Variants in TUBB1 observed in about 807,000 individuals in gnomAD.
TUBB1 encodes tubulin beta 1 class VI.
Under a neutral mutation model 22.6 loss-of-function variants are expected in TUBB1, and 28 were observed. That is an observed-to-expected ratio of 1.24 (90% CI 0.92 to 1.70). The LOEUF is 1.70. Among genes scored for constraint, TUBB1 ranks in the 40% most tolerant of loss-of-function variants. The pLI, the probability that TUBB1 is intolerant of heterozygous loss-of-function variation, is 0.00. For missense variants in TUBB1, 577 were observed against 605.5 expected (o/e 0.95, Z 0.49); for synonymous variants, 226 against 238.0 (o/e 0.95, Z 0.46).
chr20:59,016,836 T>C (rs1276034879), upstream of TUBB1, among the ~76,000 whole-genome samples: 1 of 152,206 alleles, frequency 6.6e-6, no homozygotes, highest in Non-Finnish European at 1.5e-5. Context: ...AATATCCTCC[T>C]CTTGAATTTG....
At chr20:59,023,676 C>T in intron 3 of TUBB1, 29 bp from the exon 4 acceptor site, 1 of 1,614,058 alleles carries the variant, frequency 6.2e-7, no homozygotes, top group Non-Finnish European at 8.5e-7. Flanking sequence ...CACCTTTCTT[C>T]CCCTGCTGGT....
upstream of TUBB1, chr20:59,019,373 C>A (rs1184029286): frequency 5.8e-6 from 5 of 860,014 alleles, no homozygotes; most frequent in Non-Finnish European, 9.7e-6. Flanking sequence ...GGTGGACACA[C>A]CCTTGGTCAC....
Position 59,022,717 on chromosome 20 carries a change from GC to G in TUBB1, c.58-125del, listed in dbSNP as rs1272268832. The stretch of plus-strand genomic sequence containing the variant: ...TGATGCCATGGTTATTTATGAAAAG[GC>G]CCTAAAAGAATGTCTTGGGGAGGGT... On this transcript the variant is annotated intron_variant, in intron 1 of 3. Transcript: ENST00000217133. The G allele has an allele frequency of 1.7e-5, 13 of 773,628 alleles. No homozygotes were observed. In the East Asian group the frequency reaches 2.9e-4, roughly 18 times the overall value. 47.9% of individuals were successfully genotyped at this position (773,628 alleles called of 1,614,324 possible).
intron 1 of TUBB1, among the ~76,000 whole-genome samples, chr20:59,021,996 AAAAT>A (rs142257917): frequency 0.01 from 1,572 of 149,964 alleles, 12 homozygotes; most frequent in Middle Eastern, 0.045. Context: ...ACTCTGTCTC[AAAAT>A]AAATAAATAA....
intron 1 of TUBB1, among the ~76,000 whole-genome samples, chr20:59,020,276 C>G (rs949642164): frequency 5.3e-5 from 8 of 152,204 alleles, no homozygotes; most frequent in Non-Finnish European, 1.2e-4. Context: ...CCTCCACCTC[C>G]TGGGTTCAAG....
chr20:59,022,867 A>C lies in TUBB1; in HGVS notation c.80A>C (p.Glu27Ala). The C allele has an allele frequency of 6.2e-7, 1 of 1,614,116 alleles. No individual in the cohort carries two copies. The highest frequency in any genetic ancestry group is 8.5e-7 in the Non-Finnish European group (1 of 1,180,026). Residue 27 changes from glutamate to alanine, a missense_variant, in exon 2 of 4, where the codon GAA (glutamate) becomes GCA (alanine). Coordinates refer to ENST00000217133, the MANE Select transcript of TUBB1 (RefSeq NM_030773.4). Reference sequence around the variant, plus strand: ...CAGTTCTGGGAGATGATTGGTGAGGAACACGGGATCGACTTGGCTGGGAGC... The same window carrying C: ...CAGTTCTGGGAGATGATTGGTGAGGCACACGGGATCGACTTGGCTGGGAGC... Reference protein sequence around the residue: ...GAKFWEMIGEEHGIDLAGSDR... With the variant: ...GAKFWEMIGEAHGIDLAGSDR...
chr20:59,021,410 GTTA>G, intron 1 of TUBB1, among the ~76,000 whole-genome samples: 1 of 152,328 alleles, frequency 6.6e-6, no homozygotes, highest in African/African-American at 2.4e-5. Flanking sequence ...GAACTGCCTT[GTTA>G]TTAAGACCAT....
Position 59,023,847 on chromosome 20 carries a change from CG to C in TUBB1, c.425del (p.Gly142AlafsTer11). The C allele has an allele frequency of 2.5e-6, 4 of 1,614,064 alleles. No homozygotes were observed. Among genetic ancestry groups the C allele is most frequent in the Non-Finnish European group, 3.4e-6 (4 of 1,179,968 alleles). On this transcript the variant is annotated frameshift_variant, in exon 4 of 4. Coordinates refer to ENST00000217133, the MANE Select transcript of TUBB1 (RefSeq NM_030773.4). LOFTEE classifies it high-confidence loss of function. ...QGFQIVHSLG[G>X]GTGSGMGTLL... ...GCTTCCAGATCGTCCACTCCCTGGG[CG>C]GGGGCACAGGCTCCGGGATGGGCAC...
At chr20:59,023,075 G>A (rs2091975902) in intron 2 of TUBB1, 122 bp downstream of exon 2, 2 of 918,722 alleles carry the variant, frequency 2.2e-6, no homozygotes, top group Admixed American at 2.0e-5. Flanking sequence ...GAGGCGACAG[G>A]CAGGGCAGCA....
chr20:59,024,806 G>A lies in TUBB1; in HGVS notation c.*23G>A. 6.2e-7 allele frequency: 1 copy of A among 1,611,324 alleles called. No individual in the cohort carries two copies. The highest frequency in any genetic ancestry group is 1.7e-5 in the Admixed American group (1 of 60,014). On this transcript the variant is annotated 3_prime_UTR_variant, in exon 4 of 4. Coordinates refer to ENST00000217133, the MANE Select transcript of TUBB1 (RefSeq NM_030773.4). The surrounding 1 kb of genome is among the most constrained non-coding windows in gnomAD (Gnocchi z 4.9). ...TAACTGTGAGAGAAGCTGTGCCGCG[G>A]AGTCGCTTACAGAACAGTTTCTCAT...
rs1461599828 is a variant in TUBB1 at position 59,025,974 on chromosome 20, C to T, written c.*1191C>T. The T allele has an allele frequency of 6.6e-6, 1 of 152,158 alleles. No individual in the cohort carries two copies. The highest frequency in any genetic ancestry group is 1.5e-5 in the Non-Finnish European group (1 of 68,046). The allele number at this position is 152,158 out of a possible 1,614,324, so 9.4% of individuals were successfully genotyped here. On this transcript the variant is annotated 3_prime_UTR_variant, in exon 4 of 4. Coordinates refer to ENST00000217133, the MANE Select transcript of TUBB1 (RefSeq NM_030773.4). ...GCAGCACTGCCATCTCTTCCAGCAC[C>T]ATCAGGGTTTTAATGGCCCTCTAGA...
chr20:59,023,583 C>T lies in TUBB1; in HGVS notation c.260C>T (p.Pro87Leu). ...RSSKLGALFQ[P>L]DSFVHGNSGA... is the part of the protein sequence containing the mutation. ...AGCAAATTAGGAGCTCTCTTTCAAC[C>T]CGACAGTTTTGTCCATGGTATGTTT... is the stretch of plus-strand genomic sequence containing the variant. The change falls in exon 3 of 4, where the codon CCC becomes CTC. Residue 87 changes from proline to leucine, a missense_variant. By Grantham distance (98) the Pro-to-Leu change is moderately conservative. Coordinates refer to ENST00000217133, the MANE Select transcript of TUBB1 (RefSeq NM_030773.4). 6.2e-7 allele frequency: 1 copy of T among 1,614,138 alleles called. No homozygotes were observed. Among genetic ancestry groups the T allele is most frequent in the Non-Finnish European group, 8.5e-7 (1 of 1,180,014 alleles).
chr20:59,021,199 G>A (rs1028388189), intron 1 of TUBB1, among the ~76,000 whole-genome samples: 3 of 152,176 alleles, frequency 2.0e-5, no homozygotes, highest in Non-Finnish European at 2.9e-5. Flanking sequence ...AAGATAATAC[G>A]GAAAGGGGCC....
chr20:59,023,687 TTC>T lies in TUBB1; in HGVS notation c.278-14_278-13del, dbSNP rs774473372. ...TTTTCACCTTTCTTCCCCTGCTGGTTTCTCTTTTTGGCCACAGGTAACTCTGG... is the reference window on the plus strand; with the variant it reads ...TTTTCACCTTTCTTCCCCTGCTGGTTTCTTTTTGGCCACAGGTAACTCTGG... On this transcript the variant is annotated splice_polypyrimidine_tract_variant and intron_variant, in intron 3 of 3. Coordinates refer to ENST00000217133, the MANE Select transcript of TUBB1 (RefSeq NM_030773.4). The T allele has an allele frequency of 2.5e-6, 4 of 1,614,194 alleles. No homozygotes were observed. In the Admixed American group the frequency reaches 5.0e-5, roughly 20 times the overall value.
intron 2 of TUBB1, 70 bp from the exon 3 acceptor site, chr20:59,023,420 G>C: frequency 6.9e-7 from 1 of 1,456,642 alleles, no homozygotes; most frequent in Non-Finnish European, 9.6e-7. Context: ...GTATCACAAA[G>C]TTCTATTTTG....
At chr20:59,019,381 C>A, upstream of TUBB1, 2 of 932,048 alleles carry the variant, frequency 2.1e-6, no homozygotes, top group South Asian at 2.7e-5. Flanking sequence ...CACCCTTGGT[C>A]ACATTGTGAG....
intron 2 of TUBB1, 78 bp downstream of exon 2, chr20:59,023,031 T>C (rs1476608675): frequency 1.5e-6 from 2 of 1,310,360 alleles, no homozygotes; most frequent in East Asian, 2.3e-5. Flanking sequence ...GCCCAGGAGA[T>C]GGAAATGTCA....
At chr20:59,018,396 C>A (rs549578377), upstream of TUBB1, among the ~76,000 whole-genome samples, 65 of 152,140 alleles carry the variant, frequency 4.3e-4, no homozygotes, top group Non-Finnish European at 6.5e-4. Context: ...CTCCTGTACA[C>A]CGCATGAGGG....
At chr20:59,017,370 A>G (rs1037843347), upstream of TUBB1, among the ~76,000 whole-genome samples, 2 of 152,234 alleles carry the variant, frequency 1.3e-5, no homozygotes, top group Non-Finnish European at 2.9e-5. Context: ...GACAGAGGTG[A>G]GAAGCAGTCC....
Sources: gnomAD v4.1 joint callset for allele counts (sites outside exome capture counted in the v4.1 genomes callset) on GRCh38, gnomAD v4.1.1 for gene constraint, Gnocchi (gnomAD v3.1) non-coding constraint, MANE v1.5 for transcripts, NCBI Gene and HGNC (gene_info 2026-07-23, HGNC 2026-07-21) for gene names.